HTRA3: variants seen among roughly 807,000 people sequenced by gnomAD.
HTRA3 encodes the protein serine protease HTRA3.
In HTRA3, 41 loss-of-function variants were observed where a neutral mutation model predicts 43.2. That is an observed-to-expected ratio of 0.95 (90% CI 0.74 to 1.23). The LOEUF (loss-of-function observed/expected upper bound fraction) is 1.23. Among genes scored for constraint, HTRA3 ranks in the 50% most tolerant of loss-of-function variants. The pLI, the probability that HTRA3 is intolerant of heterozygous loss-of-function variation, is 0.00. For synonymous variants in HTRA3, 295 were observed against 287.9 expected, an observed-to-expected ratio of 1.02 and a Z score of -0.25; for missense variants, 628 against 647.1, an observed-to-expected ratio of 0.97 and a Z score of 0.32.
intron 3 of HTRA3, among the ~76,000 whole-genome samples, chr4:8,287,145 C>T (rs1465796255): frequency 5.3e-5 from 8 of 152,284 alleles, no homozygotes; most frequent in Non-Finnish European, 8.8e-5. Flanking sequence ...TGGGTTTGGG[C>T]GTGGAGGCCA....
rs371933001 is a variant in HTRA3 at position 8,295,165 on chromosome 4, G to A, written c.1051+964G>A. Among the ~76,000 whole-genome samples the A allele has an allele frequency of 3.1e-4, 47 of 150,998 alleles. No homozygotes were observed. The highest frequency in any genetic ancestry group is 9.5e-4 in the African/African-American group (39 of 41,008). The stretch of plus-strand genomic sequence containing the variant: ...TACCTATCCACCCATCCATCCATCC[G>A]TCTACCCACCTGTCCCTCTATCCCT... On this transcript the variant is annotated intron_variant, in intron 6 of 8. Coordinates refer to ENST00000307358, the MANE Select transcript of HTRA3 (RefSeq NM_053044.5). The surrounding 1 kb of genome is among the most constrained non-coding windows in gnomAD (Gnocchi z 6.9).
intron 6 of HTRA3, among the ~76,000 whole-genome samples, chr4:8,298,617 G>GTTTTACTT (rs1349093502): frequency 6.6e-6 from 1 of 151,990 alleles, no homozygotes; most frequent in African/African-American, 2.4e-5. Flanking sequence ...TCTTCTAGAA[G>GTTTTACTT]TTTTACTTTT....
chr4:8,293,604 TG>T (rs1160744725), intron 5 of HTRA3, among the ~76,000 whole-genome samples: 1 of 151,832 alleles, frequency 6.6e-6, no homozygotes, highest in African/African-American at 2.4e-5. Context: ...ACCAGCCTCA[TG>T]GGGGGCAGGG....
chr4:8,301,291 CTCA>C (rs1292251105), intron 6 of HTRA3, among the ~76,000 whole-genome samples: 8 of 147,544 alleles, frequency 5.4e-5, no homozygotes, highest in African/African-American at 2.1e-4. Flanking sequence ...TTGAGTCACA[CTCA>C]TCTTTATTAT....
chr4:8,301,067 CTCTT>C (rs551376704), intron 6 of HTRA3, among the ~76,000 whole-genome samples: 9 of 151,456 alleles, frequency 5.9e-5, no homozygotes, highest in South Asian at 2.1e-4. Context: ...TCGATTCACA[CTCTT>C]TATTATTGAT....
At chr4:8,273,180 G>C (rs13135847) in intron 1 of HTRA3, among the ~76,000 whole-genome samples, 44,445 of 152,150 alleles carry the variant, frequency 0.29, 6,725 homozygotes, top group South Asian at 0.44. Flanking sequence ...TGCTCTGTGG[G>C]CCTCCTGGCT....
rs530674268 is a variant in HTRA3, at chr4:8,269,892, G to A, written c.-77G>A. 56 of 716,772 alleles carry A rather than the reference G, an allele frequency of 7.8e-5. No homozygotes were observed. The highest frequency in any genetic ancestry group is 1.7e-4 in the African/African-American group (9 of 52,104). 44.4% of individuals were successfully genotyped at this position (716,772 alleles called of 1,614,324 possible). ...CCCATCCGTAGGCGCCCGGCGCCCG[G>A]CCCCGCAGCGGCCTCGTTGTCCCCG... On this transcript the variant is annotated 5_prime_UTR_variant, in exon 1 of 9. Transcript: ENST00000307358.
At chr4:8,280,115 T>C (rs1206156966) in intron 1 of HTRA3, among the ~76,000 whole-genome samples, 2 of 151,358 alleles carry the variant, frequency 1.3e-5, no homozygotes, top group Non-Finnish European at 2.9e-5. Flanking sequence ...GGGGGAGGTG[T>C]AGAGAGGTGG....
chr4:8,304,036 C>CA, intron 7 of HTRA3, 148 bp from the exon 8 acceptor site: 1 of 600,212 alleles, frequency 1.7e-6, no homozygotes, highest in Non-Finnish European at 3.0e-6. Context: ...GTAGGGGACA[C>CA]AGAGTGGCCA....
intron 2 of HTRA3, among the ~76,000 whole-genome samples, chr4:8,284,339 T>C (rs931928400): frequency 2.6e-5 from 4 of 152,192 alleles, no homozygotes; most frequent in Admixed American, 1.3e-4. Flanking sequence ...GGGCAGCATC[T>C]TTCTGGAAGG....
chr4:8,272,214 G>A (rs1310727367), intron 1 of HTRA3, among the ~76,000 whole-genome samples: 3 of 152,224 alleles, frequency 2.0e-5, no homozygotes, highest in South Asian at 2.1e-4. Flanking sequence ...TGGAGTTCGC[G>A]TCATGAGGCA....
chr4:8,301,229 TCTTTATTATTGATTCACACTCAG>T (rs1445734694), intron 6 of HTRA3, among the ~76,000 whole-genome samples: 5 of 148,788 alleles, frequency 3.4e-5, no homozygotes, highest in African/African-American at 7.6e-5. Flanking sequence ...TTCACAGACA[TCTTTATTATTGATTCACACTCAG>T]CTTTATTGAT....
intron 6 of HTRA3, among the ~76,000 whole-genome samples, chr4:8,299,678 T>G (rs751000583): frequency 1.3e-5 from 2 of 152,184 alleles, no homozygotes; most frequent in Non-Finnish European, 2.9e-5. Context: ...GGAATAGATG[T>G]TACTTTTTGT....
intron 1 of HTRA3, among the ~76,000 whole-genome samples, chr4:8,272,978 A>G (rs945826382): frequency 1.3e-5 from 2 of 151,770 alleles, no homozygotes; most frequent in Admixed American, 6.6e-5. Flanking sequence ...CGCAGAGTCC[A>G]CTCCCTGTGG....
chr4:8,270,071 C>T lies in HTRA3; in HGVS notation c.103C>T (p.Pro35Ser). The change falls in exon 1 of 9, where the codon CCC becomes TCC. Residue 35 changes from proline to serine, a missense_variant. Pro to Ser is a moderately conservative substitution (Grantham distance 74). Transcript: ENST00000307358. ...CPARCDVSRC[P>S]SPRCPGGYVP... is the part of the protein sequence containing the mutation. Reference sequence around the variant, plus strand: ...CGCGCGCTGCGACGTGTCGCGGTGTCCCAGCCCCCGCTGCCCCGGCGGCTA... The same window carrying T: ...CGCGCGCTGCGACGTGTCGCGGTGTTCCAGCCCCCGCTGCCCCGGCGGCTA... The T allele has an allele frequency of 2.0e-6, 3 of 1,515,296 alleles. No individual in the cohort carries two copies. Among genetic ancestry groups the T allele is most frequent in the Non-Finnish European group, 2.6e-6 (3 of 1,142,714 alleles). The allele number at this position is 1,515,296 out of a possible 1,614,324, so 93.9% of individuals were successfully genotyped here.
In HTRA3 at chr4:8,273,376, C is replaced by T. The variant is rs547206269; in HGVS notation, c.385+3023C>T. Among the ~76,000 whole-genome samples the T allele has an allele frequency of 7.9e-5, 12 of 152,270 alleles. No individual in the cohort carries two copies. The East Asian group carries it at 1.2e-3, about 15-fold the overall frequency. ...TAGTGGTGTGCCAGGCGCTGCCGGG[C>T]ATTTCTGGGAGGAAGTCCTGCCTGA... On this transcript the variant is annotated intron_variant, in intron 1 of 8. Transcript: ENST00000307358.
intron 7 of HTRA3, among the ~76,000 whole-genome samples, chr4:8,303,820 T>C (rs1207202766): frequency 7.3e-6 from 1 of 136,526 alleles, no homozygotes; most frequent in Non-Finnish European, 1.6e-5. Context: ...TGACTCAGCA[T>C]TGTCTGTCCA....
chr4:8,303,292 C>T (rs766540356), intron 7 of HTRA3, among the ~76,000 whole-genome samples: 1 of 152,242 alleles, frequency 6.6e-6, no homozygotes, highest in African/African-American at 2.4e-5. Context: ...CCCACCCCAT[C>T]CTGCCTCCTC....
intron 4 of HTRA3, 87 bp downstream of exon 4, chr4:8,291,651 C>CA (rs1713247248): frequency 1.0e-6 from 1 of 998,284 alleles, no homozygotes; most frequent in African/African-American, 1.6e-5. Flanking sequence ...GGCTTGCCCC[C>CA]CTCCCCAGAG....
Sources: allele counts gnomAD v4.1 joint callset (sites outside exome capture counted in the v4.1 genomes callset), GRCh38; gene constraint gnomAD v4.1.1; non-coding constraint Gnocchi (gnomAD v3.1); transcripts MANE v1.5; gene names NCBI Gene and HGNC (gene_info 2026-07-23, HGNC 2026-07-21).